The following PDE10A variants were observed in gnomAD, a reference collection of about 807,000 sequenced individuals.
PDE10A encodes the protein phosphodiesterase 10A.
Under a neutral mutation model 97.7 loss-of-function variants are expected in PDE10A, and 39 were observed. The ratio of observed to expected loss-of-function variants is 0.40; its 90% CI spans 0.31 to 0.52. The LOEUF (loss-of-function observed/expected upper bound fraction) is 0.52. Ranked by LOEUF, PDE10A falls within the 20% of genes least tolerant of loss-of-function variation. The probability of loss-of-function intolerance (pLI) is 0.56; values close to 1 mark genes in which losing one functional copy is unlikely to be tolerated. For missense variants in PDE10A, 731 were observed against 1,047.8 expected, an observed-to-expected ratio of 0.70 and a Z score of 4.17; for synonymous variants, 371 against 376.8, an observed-to-expected ratio of 0.98 and a Z score of 0.18.
chr6:165,615,339 A>T (rs977175433), intron 1 of PDE10A, among the ~76,000 whole-genome samples: 2 of 152,350 alleles, frequency 1.3e-5, no homozygotes, highest in African/African-American at 4.8e-5. Context: ...ACAATTATGT[A>T]CATCCTATCA....
intron 1 of PDE10A, among the ~76,000 whole-genome samples, chr6:165,803,455 C>T (rs1182281853): frequency 6.6e-6 from 1 of 152,196 alleles, no homozygotes; most frequent in Non-Finnish European, 1.5e-5. Flanking sequence ...CAACTAAATA[C>T]AGGAGGGCAC....
At chr6:165,471,069 A>G (rs913680589) in intron 3 of PDE10A, among the ~76,000 whole-genome samples, 3 of 152,218 alleles carry the variant, frequency 2.0e-5, no homozygotes, top group Admixed American at 6.5e-5. Context: ...TGCTCCAAGA[A>G]AACAGCTTTC....
At chr6:165,443,087 GGGT>G (rs929253931) in intron 5 of PDE10A, among the ~76,000 whole-genome samples, 2 of 147,988 alleles carry the variant, frequency 1.4e-5, no homozygotes, top group African/African-American at 2.5e-5. Flanking sequence ...GCTCCAGCCT[GGGT>G]GACAGAGCAA....
At chr6:165,673,172 C>T (rs1416546708) in intron 1 of PDE10A, among the ~76,000 whole-genome samples, 2 of 152,156 alleles carry the variant, frequency 1.3e-5, no homozygotes, top group African/African-American at 2.4e-5. Context: ...AAAATTTCAA[C>T]TTTTCAACAG....
intron 1 of PDE10A, among the ~76,000 whole-genome samples, chr6:165,842,277 T>C (rs553479476): frequency 6.6e-6 from 1 of 152,348 alleles, no homozygotes; most frequent in Admixed American, 6.5e-5. Flanking sequence ...GATAACAGCG[T>C]TGATCTCTCT....
chr6:165,778,113 C>CA (rs1236693599), intron 1 of PDE10A, among the ~76,000 whole-genome samples: 1 of 151,990 alleles, frequency 6.6e-6, no homozygotes, highest in Admixed American at 6.5e-5. Context: ...CTCACTCTGT[C>CA]ACCCAGGCTG....
At chr6:165,746,433 C>T (rs1383657004) in intron 1 of PDE10A, among the ~76,000 whole-genome samples, 1 of 152,230 alleles carries the variant, frequency 6.6e-6, no homozygotes, top group Non-Finnish European at 1.5e-5. Context: ...CACCACGGTT[C>T]ACATTCTTAC....
chr6:165,612,434 T>C (rs1004220206), intron 1 of PDE10A, among the ~76,000 whole-genome samples: 2 of 152,104 alleles, frequency 1.3e-5, no homozygotes, highest in Non-Finnish European at 2.9e-5. Flanking sequence ...TGGAGCGCAG[T>C]GGCACAATCT....
chr6:165,687,122 T>C (rs191679993), intron 1 of PDE10A, among the ~76,000 whole-genome samples: 72 of 152,362 alleles, frequency 4.7e-4, no homozygotes, highest in Non-Finnish European at 1.3e-4. Flanking sequence ...TCCCTCGCCT[T>C]CGTTTCCATC....
At chr6:165,707,885 A>C (rs1791758535) in intron 1 of PDE10A, among the ~76,000 whole-genome samples, 1 of 152,150 alleles carries the variant, frequency 6.6e-6, no homozygotes, top group African/African-American at 2.4e-5. Context: ...AAGGCTGAAC[A>C]CAAAGGGGCA....
chr6:165,445,956 C>CA (rs1454249642), intron 5 of PDE10A, among the ~76,000 whole-genome samples: 1 of 151,128 alleles, frequency 6.6e-6, no homozygotes, highest in South Asian at 2.1e-4. Context: ...AACACATAAG[C>CA]AAAAAAGTCA....
intron 1 of PDE10A, among the ~76,000 whole-genome samples, chr6:165,872,667 T>C (rs1012224179): frequency 3.3e-5 from 5 of 152,142 alleles, no homozygotes; most frequent in Non-Finnish European, 7.3e-5. Context: ...TTTGTTGTTG[T>C]TGTTTGTTTT....
At position 165,450,378 on chromosome 6, in the gene PDE10A, A is replaced by T. The variant is rs757321121; in HGVS notation, c.1024-16T>A. The T allele has an allele frequency of 9.6e-6, 14 of 1,461,578 alleles. No individual in the cohort carries two copies. The highest frequency in any genetic ancestry group is 1.3e-5 in the Non-Finnish European group (14 of 1,062,024). The allele number at this position is 1,461,578 out of a possible 1,614,324, so 90.5% of individuals were successfully genotyped here. A position where few individuals can be genotyped will look rare whatever the true frequency, so the allele number is the denominator to read the frequency against. On this transcript the variant is annotated splice_polypyrimidine_tract_variant and intron_variant, in intron 3 of 21. Transcript: ENST00000539869. The stretch of plus-strand genomic sequence containing the variant: ...TATCTTGGTACTTTGGATTAAAAAT[A>T]ACAAAAATAAAAACAGAGTTTAAAT...
At chr6:165,860,452 C>T (rs1780871211) in intron 1 of PDE10A, among the ~76,000 whole-genome samples, 1 of 152,010 alleles carries the variant, frequency 6.6e-6, no homozygotes, top group South Asian at 2.1e-4. Context: ...AACTCCACCT[C>T]AAAACAAAAA....
chr6:165,546,809 C>CT (rs1214478355), intron 1 of PDE10A, among the ~76,000 whole-genome samples: 1 of 152,040 alleles, frequency 6.6e-6, no homozygotes, highest in African/African-American at 2.4e-5. Flanking sequence ...TATCAGTGAA[C>CT]TCATGTATGA....
intron 1 of PDE10A, among the ~76,000 whole-genome samples, chr6:165,941,542 C>A (rs954662086): frequency 1.3e-5 from 2 of 152,144 alleles, no homozygotes; most frequent in African/African-American, 4.8e-5. Flanking sequence ...ATGTCGGGAT[C>A]ATGGAGGTGG....
At chr6:165,367,190 G>T (rs761231488) in intron 18 of PDE10A, among the ~76,000 whole-genome samples, 2 of 151,258 alleles carry the variant, frequency 1.3e-5, no homozygotes, top group African/African-American at 2.4e-5. Flanking sequence ...TGAATGAAAA[G>T]GAAATCCCAG....
At chr6:165,582,469 A>G (rs1458360575) in intron 1 of PDE10A, among the ~76,000 whole-genome samples, 2 of 152,186 alleles carry the variant, frequency 1.3e-5, no homozygotes, top group Non-Finnish European at 2.9e-5. Context: ...ACAGTTGTTC[A>G]CATCAAATGA....
At chr6:165,673,952 TAATGTGACTTGAA>T (rs1198365040) in intron 1 of PDE10A, among the ~76,000 whole-genome samples, 5 of 147,264 alleles carry the variant, frequency 3.4e-5, no homozygotes, top group African/African-American at 1.3e-4. Context: ...TACGATAAAA[TAATGTGACTTGAA>T]AGATCTCTAA....
Sources: allele counts gnomAD v4.1 joint callset (sites outside exome capture counted in the v4.1 genomes callset), GRCh38; gene constraint gnomAD v4.1.1; transcripts MANE v1.5; gene names NCBI Gene and HGNC (gene_info 2026-07-23, HGNC 2026-07-21).